The following RNLS variants were observed in gnomAD, a reference collection of about 807,000 sequenced individuals.
RNLS encodes the protein renalase, FAD dependent amine oxidase.
A neutral mutation model predicts 39.8 loss-of-function variants in RNLS; 39 were observed. The ratio of observed to expected loss-of-function variants is 0.98; its 90% CI spans 0.76 to 1.28. RNLS has a LOEUF of 1.28. Ranked by LOEUF, RNLS falls within the 50% of genes most tolerant of loss-of-function variation. The pLI is 0.00. For synonymous variants in RNLS, 147 were observed against 150.7 expected (o/e 0.98, Z 0.18); for missense variants, 410 against 413.3 (o/e 0.99, Z 0.07).
chr10:88,341,906 G>T (rs970303666), intron 5 of RNLS, among the ~76,000 whole-genome samples: 22 of 152,042 alleles, frequency 1.4e-4, no homozygotes, highest in East Asian at 5.8e-4. Flanking sequence ...ATATTTAAAA[G>T]ATTTTTTATA....
intron 4 of RNLS, among the ~76,000 whole-genome samples, chr10:88,492,739 C>CT (rs995475032): frequency 6.6e-6 from 1 of 151,894 alleles, no homozygotes; most frequent in African/African-American, 2.4e-5. Context: ...TTTTAACATA[C>CT]TTTTTTCTCC....
chr10:88,469,241 C>A (rs1212067351), intron 4 of RNLS, among the ~76,000 whole-genome samples: 4 of 152,166 alleles, frequency 2.6e-5, no homozygotes, highest in African/African-American at 9.7e-5. Flanking sequence ...CTGGTCATCA[C>A]AAAGTTCAGT....
intron 4 of RNLS, among the ~76,000 whole-genome samples, chr10:88,395,184 A>G (rs1852477346): frequency 6.6e-6 from 1 of 151,364 alleles, no homozygotes; most frequent in Non-Finnish European, 1.5e-5. Flanking sequence ...CCTAAAACTT[A>G]AAGTATAATA....
At chr10:88,299,397 C>T (rs1348520445) in intron 6 of RNLS, among the ~76,000 whole-genome samples, 2 of 151,978 alleles carry the variant, frequency 1.3e-5, no homozygotes, top group Non-Finnish European at 2.9e-5. Flanking sequence ...CTGAGACAGG[C>T]GGATCACTTG....
At chr10:88,281,004 CAAT>C (rs1589450603), downstream of RNLS, among the ~76,000 whole-genome samples, 1 of 152,258 alleles carries the variant, frequency 6.6e-6, no homozygotes, top group East Asian at 1.9e-4. Context: ...GTTGAGTGGA[CAAT>C]AATTACTGTC....
At chr10:88,522,447 C>T (rs182431992) in intron 4 of RNLS, among the ~76,000 whole-genome samples, 1 of 151,964 alleles carries the variant, frequency 6.6e-6, no homozygotes, top group Admixed American at 6.6e-5. Flanking sequence ...ATTTAGCAGG[C>T]CTGGTATTGA....
At chr10:88,545,038 G>C (rs955812416) in intron 4 of RNLS, among the ~76,000 whole-genome samples, 1 of 152,052 alleles carries the variant, frequency 6.6e-6, no homozygotes, top group African/African-American at 2.4e-5. Context: ...TGTTATCCTG[G>C]ATACCTCTGC....
intron 4 of RNLS, among the ~76,000 whole-genome samples, chr10:88,560,934 C>T (rs562368407): frequency 8.0e-4 from 104 of 129,976 alleles, no homozygotes; most frequent in Non-Finnish European, 1.1e-3. Flanking sequence ...TGTAGATGTT[C>T]AGAGATAACA....
chr10:88,510,969 A>G (rs1346785189), intron 4 of RNLS, among the ~76,000 whole-genome samples: 2 of 150,466 alleles, frequency 1.3e-5, no homozygotes, highest in Non-Finnish European at 3.0e-5. Flanking sequence ...AAATTCATCC[A>G]CGTAAGAAGA....
chr10:88,524,244 T>G (rs1159795993), intron 4 of RNLS, among the ~76,000 whole-genome samples: 1 of 152,168 alleles, frequency 6.6e-6, no homozygotes, highest in Non-Finnish European at 1.5e-5. Context: ...ATAGAACCAC[T>G]GGCGCCTTCC....
At chr10:88,481,285 C>G (rs1178204503) in intron 4 of RNLS, among the ~76,000 whole-genome samples, 1 of 152,144 alleles carries the variant, frequency 6.6e-6, no homozygotes, top group Non-Finnish European at 1.5e-5. Flanking sequence ...TGTCTTCTGA[C>G]TGAGATGTTT....
At chr10:88,259,117 C>A in the RNLS span, 1 of 152,180 alleles carries the variant, frequency 6.6e-6, no homozygotes, top group East Asian at 1.9e-4. Flanking sequence ...CCAACAAAGA[C>A]ACTGGTTTAG....
downstream of RNLS, among the ~76,000 whole-genome samples, chr10:88,273,539 TTCC>T: frequency 6.6e-6 from 1 of 152,212 alleles, no homozygotes; most frequent in Non-Finnish European, 1.5e-5. Flanking sequence ...CTGCATTAAA[TTCC>T]ACTGTTTTGA....
At chr10:88,534,519 C>T (rs573399125) in intron 4 of RNLS, among the ~76,000 whole-genome samples, 57 of 152,178 alleles carry the variant, frequency 3.7e-4, no homozygotes, top group African/African-American at 1.3e-3. Context: ...GTCAGATACA[C>T]CTGAGATTGG....
At chr10:88,558,630 T>C (rs1673996824) in intron 4 of RNLS, among the ~76,000 whole-genome samples, 1 of 152,072 alleles carries the variant, frequency 6.6e-6, no homozygotes, top group Non-Finnish European at 1.5e-5. Flanking sequence ...ATGTCCCCAT[T>C]TGTGGAAGGT....
chr10:88,422,159 A>C (rs1164753558), intron 4 of RNLS, among the ~76,000 whole-genome samples: 1 of 152,212 alleles, frequency 6.6e-6, no homozygotes. Context: ...AGTTACTTAA[A>C]CATTAAATGA....
chr10:88,241,567 C>T, the RNLS span, among the ~76,000 whole-genome samples: 5 of 152,136 alleles, frequency 3.3e-5, no homozygotes, highest in Non-Finnish European at 7.4e-5. Flanking sequence ...CATCTACTTA[C>T]TTTTTTTGAA....
exon 7 of RNLS, chr10:88,274,968 G>A: frequency 1.2e-6 from 2 of 1,612,644 alleles, no homozygotes; most frequent in Non-Finnish European, 1.7e-6. Context: ...AAGTCAGATG[G>A]GAAATCCAAT....
At chr10:88,478,904 T>C (rs1843982849) in intron 4 of RNLS, among the ~76,000 whole-genome samples, 1 of 151,386 alleles carries the variant, frequency 6.6e-6, no homozygotes, top group African/African-American at 2.5e-5. Context: ...TCTTTCTTTC[T>C]TTCTCTCTCT....
Sources: gnomAD v4.1 joint callset for allele counts (sites outside exome capture counted in the v4.1 genomes callset) on GRCh38, gnomAD v4.1.1 for gene constraint, MANE v1.5 for transcripts, NCBI Gene and HGNC (gene_info 2026-07-23, HGNC 2026-07-21) for gene names.